Variants in MYH7B observed in about 807,000 individuals in gnomAD.
MYH7B encodes the protein myosin heavy chain 7B.
MYH7B carries 205 observed loss-of-function variants against 234.5 expected under a neutral mutation model. The ratio of observed to expected loss-of-function variants is 0.87; its 90% CI spans 0.78 to 0.98. MYH7B has a LOEUF of 0.98. MYH7B is among the 50% of genes least tolerant of loss of function. The probability of loss-of-function intolerance (pLI) is 0.00; values close to 1 mark genes in which losing one functional copy is unlikely to be tolerated. For synonymous variants in MYH7B, 1,193 were observed against 1,105.0 expected (o/e 1.08, Z -1.58); for missense variants, 2,652 against 2,633.4 (o/e 1.01, Z -0.15).
intron 5 of MYH7B, 45 bp from the exon 6 acceptor site, chr20:34,979,345 G>T (rs2081904066): frequency 3.4e-6 from 5 of 1,474,538 alleles, no homozygotes; most frequent in Non-Finnish European, 4.7e-6. Flanking sequence ...GAACCTGGAG[G>T]TGCCTCAGCC....
intron 2 of MYH7B, among the ~76,000 whole-genome samples, chr20:34,961,202 ACTT>A (rs1325747869): frequency 6.6e-6 from 1 of 152,164 alleles, no homozygotes; most frequent in Non-Finnish European, 1.5e-5. Context: ...GTATCCACTT[ACTT>A]TTTGGCAGGA....
intron 16 of MYH7B, 95 bp from the exon 17 acceptor site, chr20:34,987,462 C>G (rs1278386395): frequency 7.0e-7 from 1 of 1,420,708 alleles, no homozygotes; most frequent in Non-Finnish European, 9.7e-7. Flanking sequence ...CTTGACCCCT[C>G]TTAACTTCCC....
intron 2 of MYH7B, among the ~76,000 whole-genome samples, chr20:34,965,325 T>C (rs1333169261): frequency 2.0e-5 from 3 of 152,238 alleles, no homozygotes; most frequent in Non-Finnish European, 2.9e-5. Flanking sequence ...CCGAATCCAC[T>C]AGAGCAAAGA....
chr20:34,997,359 C>A (rs367770874), exon 32 of MYH7B: 1 of 1,531,846 alleles, frequency 6.5e-7, no homozygotes, highest in African/African-American at 1.4e-5. Flanking sequence ...GCTGAGCGAG[C>A]GGCTGGAGGA....
At chr20:34,995,360 G>C in exon 28 of MYH7B, 2 of 1,613,492 alleles carry the variant, frequency 1.2e-6, no homozygotes, top group Non-Finnish European at 1.7e-6. Context: ...GGCAGATGCC[G>C]AGGAGCGCTG....
At chr20:34,996,250 T>C (rs1185243711) in intron 28 of MYH7B, 96 bp from the exon 29 acceptor site, 7 of 1,403,064 alleles carry the variant, frequency 5.0e-6, no homozygotes, top group African/African-American at 1.5e-5. Flanking sequence ...CTGAGTCCCA[T>C]AGCTGGAAGG....
chr20:34,968,510 T>C (rs935023467), intron 2 of MYH7B, among the ~76,000 whole-genome samples: 1 of 152,260 alleles, frequency 6.6e-6, no homozygotes, highest in Non-Finnish European at 1.5e-5. Context: ...TGTTGGCTTC[T>C]TCCATCCTCC....
At chr20:34,999,015 CTCCT>C (rs1453391444) in intron 35 of MYH7B, 37 bp from the exon 36 acceptor site, 1 of 1,585,546 alleles carries the variant, frequency 6.3e-7, no homozygotes, top group Non-Finnish European at 8.6e-7. Flanking sequence ...GCTGTTCTCC[CTCCT>C]TCCATGGTCC....
At chr20:34,990,611 T>C in intron 22 of MYH7B, 127 bp from the exon 23 acceptor site, 2 of 808,584 alleles carry the variant, frequency 2.5e-6, no homozygotes, top group Admixed American at 4.1e-5. Flanking sequence ...ATCACCAGAA[T>C]GAGAGTGAAA....
At chr20:34,985,384 C>T (rs2082002150) in intron 13 of MYH7B, among the ~76,000 whole-genome samples, 1 of 152,120 alleles carries the variant, frequency 6.6e-6, no homozygotes, top group Non-Finnish European at 1.5e-5. Flanking sequence ...AAAGCTTTCT[C>T]TAGATCCTGT....
Position 35,000,575 on chromosome 20 carries a change from G to GGCTGCGGAGCTGGAGGA in MYH7B, c.5072_5088dup (p.Ala1697SerfsTer41). Reference sequence around the variant, plus strand: ...CTCTGGAGCGCCGGGCCTCGCTGCTGGCTGCGGAGCTGGAGGAGCTGCGGG... The same window carrying GGCTGCGGAGCTGGAGGA: ...CTCTGGAGCGCCGGGCCTCGCTGCTGGCTGCGGAGCTGGAGGAGCTGCGGAGCTGGAGGAGCTGCGGG... On this transcript the variant is annotated frameshift_variant, in exon 39 of 45. Transcript: ENST00000262873. LOFTEE classifies it high-confidence loss of function. 6.4e-7 allele frequency: 1 copy of GGCTGCGGAGCTGGAGGA among 1,570,070 alleles called. No homozygotes were observed. Among genetic ancestry groups the GGCTGCGGAGCTGGAGGA allele is most frequent in the Non-Finnish European group, 8.6e-7 (1 of 1,163,170 alleles).
At chr20:34,997,411 A>G in exon 32 of MYH7B, 1 of 1,476,844 alleles carries the variant, frequency 6.8e-7, no homozygotes. Flanking sequence ...GGCTGCCGCA[A>G]GCGGGAGGCG....
Position 34,995,537 on chromosome 20 carries a change from C to T in MYH7B, c.2902C>T (p.Leu968=), listed in dbSNP as rs773793430. ...GGACATTGATGACCTGGAGCTGACA[C>T]TGGCCAAAGCTGAGAAGGAGAAGCA... The change falls in exon 28 of 45, where the codon CTG becomes TTG. Residue 968 remains leucine (L), a synonymous_variant. Coordinates refer to ENST00000262873, the Ensembl canonical transcript of MYH7B. 6 of 1,614,038 alleles carry T rather than the reference C, an allele frequency of 3.7e-6. No individual in the cohort carries two copies. The Admixed American group carries it at 1.0e-4, about 27-fold the overall frequency.
chr20:34,998,244 C>T (rs778871431), intron 32 of MYH7B, 51 bp from the exon 33 acceptor site: 1 of 1,602,068 alleles, frequency 6.2e-7, no homozygotes, highest in African/African-American at 1.3e-5. Flanking sequence ...GATGCACAAA[C>T]TTGTTCTGAC....
intron 19 of MYH7B, among the ~76,000 whole-genome samples, chr20:34,989,487 G>A (rs1463736578): frequency 1.3e-5 from 2 of 152,178 alleles, no homozygotes; most frequent in African/African-American, 4.8e-5. Flanking sequence ...GCTTGGGTTT[G>A]CCATTGTTAG....
intron 7 of MYH7B, chr20:34,980,136 G>C: frequency 2.5e-6 from 1 of 406,824 alleles, no homozygotes; most frequent in African/African-American, 2.0e-5. Flanking sequence ...GTGAGGCCAG[G>C]ACGGCCACAG....
At chr20:34,995,538 T>C in exon 28 of MYH7B, 1 of 1,614,100 alleles carries the variant, frequency 6.2e-7, no homozygotes, top group Non-Finnish European at 8.5e-7. Flanking sequence ...GAGCTGACAC[T>C]GGCCAAAGCT....
At position 34,989,737 on chromosome 20, in the gene MYH7B, C is replaced by A. The variant is rs1448383949; in HGVS notation, c.1588-3C>A. 2 of 1,613,384 alleles carry A rather than the reference C, an allele frequency of 1.2e-6. No individual in the cohort carries two copies. On this transcript the variant is annotated splice_polypyrimidine_tract_variant and splice_region_variant and intron_variant, in intron 19 of 44. Coordinates refer to ENST00000262873, the Ensembl canonical transcript of MYH7B. ...TGGCTTTTCAAGCTCGTTCTGTTCC[C>A]AGCCACTGGGCATCCTGTCCATCCT...
chr20:34,995,446 G>T (rs1430123475), exon 28 of MYH7B: 2 of 1,613,636 alleles, frequency 1.2e-6, no homozygotes, highest in Admixed American at 3.3e-5. Flanking sequence ...AGGATGAGGA[G>T]GAGGTGAACG....
Sources: gnomAD v4.1 joint callset for allele counts (sites outside exome capture counted in the v4.1 genomes callset) on GRCh38, gnomAD v4.1.1 for gene constraint, MANE v1.5 for transcripts, NCBI Gene and HGNC (gene_info 2026-07-23, HGNC 2026-07-21) for gene names.